GTF3C1: variants seen among roughly 807,000 people sequenced by gnomAD.
GTF3C1 encodes the protein general transcription factor 3C polypeptide 1.
GTF3C1 carries 57 observed loss-of-function variants against 226.7 expected under a neutral mutation model. That is an observed-to-expected ratio of 0.25 (90% CI 0.20 to 0.31). The LOEUF (loss-of-function observed/expected upper bound fraction) is 0.31. Ranked by LOEUF, GTF3C1 falls within the 10% of genes least tolerant of loss-of-function variation. The pLI, the probability that GTF3C1 is intolerant of heterozygous loss-of-function variation, is 1.00. For missense variants in GTF3C1, 2,217 were observed against 2,776.1 expected (o/e 0.80, Z 4.53); for synonymous variants, 1,090 against 1,084.8 (o/e 1.00, Z -0.09).
chr16:27,501,172 C>CG lies in GTF3C1; in HGVS notation c.2061+18dup. The CG allele has an allele frequency of 1.9e-6, 3 of 1,601,934 alleles. No individual in the cohort carries two copies. The highest frequency in any genetic ancestry group is 2.6e-6 in the Non-Finnish European group (3 of 1,170,102). On this transcript the variant is annotated intron_variant, in intron 12 of 36. Transcript: ENST00000356183. ...ACAGCACGAGGCTGGCTCTGGGCATCGGGGGAGGCCCTGGTTACCTTCTTC... is the reference window on the plus strand; with the variant it reads ...ACAGCACGAGGCTGGCTCTGGGCATCGGGGGGAGGCCCTGGTTACCTTCTTC...
At chr16:27,509,341 C>T (rs2088536831) in intron 7 of GTF3C1, among the ~76,000 whole-genome samples, 1 of 152,150 alleles carries the variant, frequency 6.6e-6, no homozygotes, top group African/African-American at 2.4e-5. Context: ...TCCTACTAAG[C>T]TGGAACTAAG....
In GTF3C1 at chr16:27,460,997, C is replaced by G. The variant is rs1294683573; in HGVS notation, c.*353G>C. 3 of 203,776 alleles carry G rather than the reference C, an allele frequency of 1.5e-5. No homozygotes were observed. Among genetic ancestry groups the G allele is most frequent in the African/African-American group, 6.8e-5 (3 of 44,148 alleles). The allele number at this position is 203,776 out of a possible 1,614,324, so 12.6% of individuals were successfully genotyped here. A position where few individuals can be genotyped will look rare whatever the true frequency, so the allele number is the denominator to read the frequency against. On this transcript the variant is annotated 3_prime_UTR_variant, in exon 37 of 37. Transcript: ENST00000356183. ...TTCCTCTTGGTGGCACCTGGGCACT[C>G]AAGGAGCCAGGAGATCCTGCCGAGA...
chr16:27,516,212 G>A (rs527718691), intron 6 of GTF3C1, among the ~76,000 whole-genome samples: 13 of 152,318 alleles, frequency 8.5e-5, no homozygotes, highest in Non-Finnish European at 1.3e-4. Flanking sequence ...GTGCGAAGGC[G>A]CCCCCCTGCT....
intron 12 of GTF3C1, among the ~76,000 whole-genome samples, chr16:27,500,781 G>A (rs185234320): frequency 1.9e-3 from 291 of 152,362 alleles, no homozygotes; most frequent in African/African-American, 6.7e-3. Context: ...ACCCGGCAGC[G>A]CATCCTCACT....
At chr16:27,529,273 T>C (rs1567411686) in intron 5 of GTF3C1, among the ~76,000 whole-genome samples, 1 of 152,034 alleles carries the variant, frequency 6.6e-6, no homozygotes, top group Non-Finnish European at 1.5e-5. Flanking sequence ...CGAAACCCCG[T>C]CACTACTAAA....
rs747205656 is a variant in GTF3C1 at position 27,484,319 on chromosome 16, C to T, written c.3893G>A (p.Arg1298Gln). The change falls in exon 25 of 37, where the codon CGG becomes CAG. Residue 1298 changes from arginine to glutamine, a missense_variant. This residue lies in a region of GTF3C1 where 546 missense variants were observed against 663.0 expected (regional missense o/e 0.82). Coordinates refer to ENST00000356183, the MANE Select transcript of GTF3C1 (RefSeq NM_001520.4). ...TTCAAACGTGGCATGCAAAATGTCC[C>T]GTACCACCTGCCAGGTGACAAATGG... Reference protein sequence around the residue: ...KGPFVTWQVVRDILHATFEES... With the variant: ...KGPFVTWQVVQDILHATFEES... The T allele has an allele frequency of 5.0e-6, 8 of 1,610,296 alleles. No homozygotes were observed. The highest frequency in any genetic ancestry group is 6.8e-6 in the Non-Finnish European group (8 of 1,176,538).
chr16:27,515,451 A>G (rs189695069), intron 6 of GTF3C1, among the ~76,000 whole-genome samples: 1 of 151,938 alleles, frequency 6.6e-6, no homozygotes, highest in Admixed American at 6.6e-5. Context: ...TGTTTCAAAC[A>G]AAACAAAACA....
rs376779038 is a variant in GTF3C1 at position 27,485,987 on chromosome 16, T to G, written c.3858+10A>C. ...GGGCAGGCCCACCGCTGGGCTGGGC[T>G]GGTTGGTACCTTGGTGTTGAGGACA... On this transcript the variant is annotated intron_variant, in intron 24 of 36. Coordinates refer to ENST00000356183, the MANE Select transcript of GTF3C1 (RefSeq NM_001520.4). The G allele has an allele frequency of 6.3e-7, 1 of 1,584,656 alleles. No homozygotes were observed. Among genetic ancestry groups the G allele is most frequent in the South Asian group, 1.1e-5 (1 of 88,334 alleles).
chr16:27,508,658 G>A lies in GTF3C1; in HGVS notation c.1127-3C>T. 6.2e-7 allele frequency: 1 copy of A among 1,610,274 alleles called. No homozygotes were observed. Among genetic ancestry groups the A allele is most frequent in the Non-Finnish European group, 8.5e-7 (1 of 1,176,600 alleles). On this transcript the variant is annotated splice_region_variant and splice_polypyrimidine_tract_variant and intron_variant, in intron 7 of 36. Coordinates refer to ENST00000356183, the MANE Select transcript of GTF3C1 (RefSeq NM_001520.4). Reference sequence around the variant, plus strand: ...TCCTTTCGTGCCTCTGCGCTCAACTGTGAGAAACAATACACGTGAACCCAA... The same window carrying A: ...TCCTTTCGTGCCTCTGCGCTCAACTATGAGAAACAATACACGTGAACCCAA...
chr16:27,471,580 C>A lies in GTF3C1; in HGVS notation c.4526+168G>T. On this transcript the variant is annotated intron_variant, in intron 30 of 36. Coordinates refer to ENST00000356183, the MANE Select transcript of GTF3C1 (RefSeq NM_001520.4). This position sits in a 1 kb window ranked among gnomAD's most constrained non-coding sequence, Gnocchi z 5.0. ...CAGCGCTCACCTGATCCCCATACCACGAAGGAGGTAAGGGGCTGCAGGAAA... is the reference window on the plus strand; with the variant it reads ...CAGCGCTCACCTGATCCCCATACCAAGAAGGAGGTAAGGGGCTGCAGGAAA... 1.7e-6 allele frequency: 1 copy of A among 601,888 alleles called. No individual in the cohort carries two copies. Among genetic ancestry groups the A allele is most frequent in the Non-Finnish European group, 3.0e-6 (1 of 336,946 alleles). The allele number at this position is 601,888 out of a possible 1,614,324, so 37.3% of individuals were successfully genotyped here.
rs1051369332 is a variant in GTF3C1 at position 27,543,413 on chromosome 16, T to C, written c.431+1901A>G. Among the ~76,000 whole-genome samples, 6 of 151,944 alleles carry C rather than the reference T, an allele frequency of 3.9e-5. No homozygotes were observed. The East Asian group carries it at 9.7e-4, about 25-fold the overall frequency. On this transcript the variant is annotated intron_variant, in intron 2 of 36. Coordinates refer to ENST00000356183, the MANE Select transcript of GTF3C1 (RefSeq NM_001520.4). The stretch of plus-strand genomic sequence containing the variant: ...AAATAAATAAATAAATAAAAAGAGA[T>C]CGGGTCACGCTCTATTGTCCAGACC...
chr16:27,492,767 G>T lies in GTF3C1; in HGVS notation c.2877-54C>A. On this transcript the variant is annotated intron_variant, in intron 17 of 36. Coordinates refer to ENST00000356183, the MANE Select transcript of GTF3C1 (RefSeq NM_001520.4). This position sits in a 1 kb window ranked among gnomAD's most constrained non-coding sequence, Gnocchi z 5.0. ...CATCACACCACACTCGCAGCCGGCC[G>T]CAGGGGTCTGCATGTGGGGTGAGGG... The T allele has an allele frequency of 2.1e-6, 2 of 965,566 alleles. No individual in the cohort carries two copies. The highest frequency in any genetic ancestry group is 3.4e-6 in the Non-Finnish European group (2 of 588,670). The allele number at this position is 965,566 out of a possible 1,614,324, so 59.8% of individuals were successfully genotyped here. A position where few individuals can be genotyped will look rare whatever the true frequency, so the allele number is the denominator to read the frequency against.
Position 27,538,185 on chromosome 16 carries a change from A to C in GTF3C1, c.603T>G (p.Ala201=). The change falls in exon 3 of 37, where the codon GCT becomes GCG. Residue 201 remains alanine, a synonymous_variant. Coordinates refer to ENST00000356183, the MANE Select transcript of GTF3C1 (RefSeq NM_001520.4). ...GELQRDLHTT[A]FKVDAGKLHY... is the part of the protein sequence containing the mutation. The stretch of plus-strand genomic sequence containing the variant: ...AAGCAAATCCCCCCACTTACTTGAA[A>C]GCAGTGGTGTGAAGGTCTCGCTGGA... The C allele has an allele frequency of 1.3e-6, 2 of 1,552,474 alleles. No individual in the cohort carries two copies. Among genetic ancestry groups the C allele is most frequent in the South Asian group, 2.4e-5 (2 of 83,290 alleles).
intron 4 of GTF3C1, among the ~76,000 whole-genome samples, chr16:27,533,944 T>C (rs760393935): frequency 6.6e-6 from 1 of 152,188 alleles, no homozygotes; most frequent in Non-Finnish European, 1.5e-5. Flanking sequence ...AGGTGGAGGT[T>C]GCAGTGAGCC....
At chr16:27,501,633 C>T (rs947399627) in intron 11 of GTF3C1, among the ~76,000 whole-genome samples, 4 of 152,222 alleles carry the variant, frequency 2.6e-5, no homozygotes, top group East Asian at 1.9e-4. Context: ...GGAAACTGGG[C>T]ACCATGATAG....
chr16:27,487,019 A>G (rs1454702778), intron 23 of GTF3C1, among the ~76,000 whole-genome samples: 1 of 152,226 alleles, frequency 6.6e-6, no homozygotes, highest in African/African-American at 2.4e-5. Context: ...CAGGGGAGGT[A>G]CTGATAGCAC....
At chr16:27,543,309 C>T (rs2089116392) in intron 2 of GTF3C1, among the ~76,000 whole-genome samples, 1 of 152,176 alleles carries the variant, frequency 6.6e-6, no homozygotes, top group African/African-American at 2.4e-5. Context: ...TCGCTTGAAC[C>T]TGAGAGGCGG....
At chr16:27,539,132 G>C (rs1339458223) in intron 2 of GTF3C1, among the ~76,000 whole-genome samples, 1 of 151,464 alleles carries the variant, frequency 6.6e-6, no homozygotes, top group Non-Finnish European at 1.5e-5. Context: ...GTGATAATAG[G>C]AGCTCTGTGT....
At chr16:27,542,292 G>A (rs2089096670) in intron 2 of GTF3C1, among the ~76,000 whole-genome samples, 1 of 152,218 alleles carries the variant, frequency 6.6e-6, no homozygotes, top group Non-Finnish European at 1.5e-5. Flanking sequence ...CGGGTGCAGT[G>A]GCCCATGCCT....
Sources: gnomAD v4.1 joint callset for allele counts (sites outside exome capture counted in the v4.1 genomes callset) on GRCh38, gnomAD v4.1.1 for gene constraint, gnomAD v4.1.1 regional missense constraint, Gnocchi (gnomAD v3.1) non-coding constraint, MANE v1.5 for transcripts, NCBI Gene and HGNC (gene_info 2026-07-23, HGNC 2026-07-21) for gene names.